Variants in MYPN observed in about 807,000 individuals in gnomAD.
MYPN encodes the protein myopalladin.
A neutral mutation model predicts 129.4 loss-of-function variants in MYPN; 63 were observed. The observed-to-expected ratio is 0.49, with a 90% CI of 0.40 to 0.60. MYPN has a LOEUF of 0.60. Ranked by LOEUF, MYPN falls within the 20% of genes least tolerant of loss-of-function variation. The pLI, the probability that MYPN is intolerant of heterozygous loss-of-function variation, is 0.00. For missense variants in MYPN, 1,596 were observed against 1,635.4 expected (o/e 0.98, Z 0.42); for synonymous variants, 629 against 600.9 (o/e 1.05, Z -0.68).
rs1378696270 is a variant in MYPN, at chr10:68,155,647, C to T, written c.1318-2839C>T. Among the ~76,000 whole-genome samples, 5 of 152,212 alleles carry T rather than the reference C, an allele frequency of 3.3e-5. No homozygotes were observed. In the East Asian group the frequency reaches 9.6e-4, roughly 29 times the overall value. The stretch of plus-strand genomic sequence containing the variant: ...ACTGTTGTGATGAACGTGATGACAG[C>T]TACACTATGTTCTAATAGGGTAACT... On this transcript the variant is annotated intron_variant, in intron 6 of 19. Coordinates refer to ENST00000358913, the MANE Select transcript of MYPN (RefSeq NM_032578.4).
intron 1 of MYPN, among the ~76,000 whole-genome samples, chr10:68,113,315 C>A (rs2042106230): frequency 6.6e-6 from 1 of 152,164 alleles, no homozygotes; most frequent in South Asian, 2.1e-4. Flanking sequence ...TTGGGCCTGC[C>A]TCTAAACCAG....
chr10:68,159,446 T>A (rs999617706), intron 7 of MYPN, among the ~76,000 whole-genome samples: 7 of 152,390 alleles, frequency 4.6e-5, no homozygotes, highest in African/African-American at 1.7e-4. Flanking sequence ...ACTAATTAAA[T>A]CTGGGATGAA....
At position 68,204,846 on chromosome 10, in the gene MYPN, C is replaced by T. The variant is rs544240079; in HGVS notation, c.3660-1924C>T. ...CGTCCCTTTACCATAGTGCACGTGA[C>T]CCTCTCCCCTGCCTTCTTCCTAGTC... is the stretch of plus-strand genomic sequence containing the variant. On this transcript the variant is annotated intron_variant, in intron 18 of 19. Transcript: ENST00000358913. Among the ~76,000 whole-genome samples the T allele has an allele frequency of 3.6e-4, 55 of 152,096 alleles. 1 individual carries two copies. The highest frequency in any genetic ancestry group is 2.3e-3 in the South Asian group (11 of 4,814).
chr10:68,169,423 T>C (rs1216976693), intron 10 of MYPN, among the ~76,000 whole-genome samples: 1 of 151,180 alleles, frequency 6.6e-6, no homozygotes, highest in Admixed American at 6.6e-5. Context: ...GATTTGAGCA[T>C]GGAAAAAGGT....
upstream of MYPN, among the ~76,000 whole-genome samples, chr10:68,103,112 T>A (rs755252626): frequency 3.3e-5 from 5 of 152,244 alleles, no homozygotes; most frequent in Non-Finnish European, 5.9e-5. Context: ...TTGCAGGTCT[T>A]CCTACTGCCT....
At chr10:68,199,933 C>T (rs1265925733) in intron 17 of MYPN, among the ~76,000 whole-genome samples, 1 of 152,142 alleles carries the variant, frequency 6.6e-6, no homozygotes, top group Non-Finnish European at 1.5e-5. Flanking sequence ...GCCTTTGCAC[C>T]AATGATCCCT....
chr10:68,188,907 G>A lies in MYPN; in HGVS notation c.2706G>A (p.Glu902=). The A allele has an allele frequency of 6.2e-7, 1 of 1,613,286 alleles. No homozygotes were observed. Among genetic ancestry groups the A allele is most frequent in the South Asian group, 1.1e-5 (1 of 90,926 alleles). Residue 902 remains glutamate, a splice_region_variant and synonymous_variant, in exon 13 of 20, where the codon GAG becomes GAA. Transcript: ENST00000358913. ...TFSDVRPNQQ[E]YKISSFEQRL... Reference sequence around the variant, plus strand: ...AAACACGTTTGTCATTTTGACAGGAGTACAAAATTTCAAGCTTTGAGCAGA... The same window carrying A: ...AAACACGTTTGTCATTTTGACAGGAATACAAAATTTCAAGCTTTGAGCAGA...
chr10:68,092,764 A>G (rs1372617082), intron 1 of MYPN, among the ~76,000 whole-genome samples: 2 of 152,156 alleles, frequency 1.3e-5, no homozygotes, highest in African/African-American at 4.8e-5. Flanking sequence ...AATCCTTTGT[A>G]TATTATTTCA....
intron 1 of MYPN, among the ~76,000 whole-genome samples, chr10:68,112,156 A>T (rs1417051041): frequency 6.6e-6 from 1 of 152,132 alleles, no homozygotes; most frequent in Non-Finnish European, 1.5e-5. Flanking sequence ...CACTTTTGTG[A>T]CAACCACCAA....
intron 12 of MYPN, among the ~76,000 whole-genome samples, chr10:68,181,612 C>G (rs2043314200): frequency 1.3e-5 from 2 of 152,106 alleles, no homozygotes; most frequent in South Asian, 4.1e-4. Context: ...CTGATTCCTT[C>G]CTTTCTTGAT....
intron 12 of MYPN, among the ~76,000 whole-genome samples, chr10:68,176,775 A>G (rs75420142): frequency 0.052 from 7,963 of 152,328 alleles, 243 homozygotes; most frequent in Middle Eastern, 0.065. Context: ...TAGACAGAGA[A>G]ACTAAGGCAC....
chr10:68,107,853 T>C (rs2042032093), upstream of MYPN, among the ~76,000 whole-genome samples: 1 of 152,168 alleles, frequency 6.6e-6, no homozygotes, highest in South Asian at 2.1e-4. Context: ...TGTTTACTTA[T>C]AGTGTGTTTA....
Position 68,194,350 on chromosome 10 carries a change from T to A in MYPN, c.2926-13T>A. 1 of 1,612,808 alleles carries A rather than the reference T, an allele frequency of 6.2e-7. No individual in the cohort carries two copies. The highest frequency in any genetic ancestry group is 8.5e-7 in the Non-Finnish European group (1 of 1,179,266). ...AACAAAACAGTGTACATCTTGATAA[T>A]TTTTCATTTCAGGTTTACTGGTTCA... On this transcript the variant is annotated splice_polypyrimidine_tract_variant and intron_variant, in intron 13 of 19. Coordinates refer to ENST00000358913, the MANE Select transcript of MYPN (RefSeq NM_032578.4).
At chr10:68,196,480 C>CTTTTT (rs1564695464) in intron 15 of MYPN, among the ~76,000 whole-genome samples, 1 of 81,236 alleles carries the variant, frequency 1.2e-5, no homozygotes. Flanking sequence ...ATACCTTCTT[C>CTTTTT]TTCTTTTTTT....
In MYPN at chr10:68,194,796, A is replaced by G. The variant is rs905999258; in HGVS notation, c.3075+284A>G. 1.1e-4 allele frequency among the ~76,000 whole-genome samples: 17 copies of G among 152,358 alleles called. No individual in the cohort carries two copies. In the South Asian group the frequency reaches 1.7e-3, roughly 15 times the overall value. On this transcript the variant is annotated intron_variant, in intron 14 of 19. Coordinates refer to ENST00000358913, the MANE Select transcript of MYPN (RefSeq NM_032578.4). ...AACTAGATCTTGTGTTTCTCAACAC[A>G]TTGATTCTCTTGAAGAGTCAATAAA... is the stretch of plus-strand genomic sequence containing the variant.
chr10:68,175,782 T>C (rs71584494), intron 12 of MYPN, among the ~76,000 whole-genome samples: 364 of 152,290 alleles, frequency 2.4e-3, no homozygotes, highest in African/African-American at 3.5e-3. Context: ...TTGAAACAGG[T>C]CTCGATCTGT....
chr10:68,144,486 A>G (rs926524051), intron 3 of MYPN, among the ~76,000 whole-genome samples: 2 of 152,174 alleles, frequency 1.3e-5, no homozygotes, highest in African/African-American at 4.8e-5. Flanking sequence ...ACATGAATAG[A>G]AATGTGTTGT....
chr10:68,197,333 A>G lies in MYPN; in HGVS notation c.3159-19A>G. 1 of 1,612,172 alleles carries G rather than the reference A, an allele frequency of 6.2e-7. No homozygotes were observed. Among genetic ancestry groups the G allele is most frequent in the Non-Finnish European group, 8.5e-7 (1 of 1,178,864 alleles). On this transcript the variant is annotated intron_variant, in intron 15 of 19. Transcript: ENST00000358913. ...AATTTATTTCTATGTTTAATATCTG[A>G]ACATGCTTGTTGTTATAGGGGAAGA...
rs2043590963 is a variant in MYPN, at chr10:68,195,550, T to TC, written c.3158+23dup. The TC allele has an allele frequency of 1.2e-6, 2 of 1,606,610 alleles. No homozygotes were observed. The highest frequency in any genetic ancestry group is 1.1e-5 in the South Asian group (1 of 90,948). ...TCTCACAGGTAAAGACAGTAAGAAT[T>TC]CCCCCTCTCTAGGCCCTTCCCAAGC... On this transcript the variant is annotated intron_variant, in intron 15 of 19. Transcript: ENST00000358913.
Sources: gnomAD v4.1 joint callset for allele counts (sites outside exome capture counted in the v4.1 genomes callset) on GRCh38, gnomAD v4.1.1 for gene constraint, MANE v1.5 for transcripts, NCBI Gene and HGNC (gene_info 2026-07-23, HGNC 2026-07-21) for gene names.